The following AHRR variants were observed in gnomAD, a reference collection of about 807,000 sequenced individuals.
The protein encoded by AHRR is ahR repressor.
Under a neutral mutation model 44.0 loss-of-function variants are expected in AHRR, and 28 were observed. That is an observed-to-expected ratio of 0.64 (90% CI 0.47 to 0.87). The LOEUF is 0.87. Among genes scored for constraint, AHRR ranks in the 40% least tolerant of loss-of-function variants. The pLI, the probability that AHRR is intolerant of heterozygous loss-of-function variation, is 0.00. For synonymous variants in AHRR, 434 were observed against 407.0 expected (o/e 1.07, Z -0.80); for missense variants, 990 against 953.9 (o/e 1.04, Z -0.50).
rs748896660 is a variant in AHRR at position 419,751 on chromosome 5, CCT to C, written c.442-2977_442-2976del. On this transcript the variant is annotated intron_variant, in intron 5 of 10. Transcript: ENST00000684583. The surrounding 1 kb of genome is among the most constrained non-coding windows in gnomAD (Gnocchi z 4.4). ...TTGGTATTTCTGTTTGTTGCCAACCCCTGTTTACCGGAAGTGTCCCCACACCA... is the reference window on the plus strand; with the variant it reads ...TTGGTATTTCTGTTTGTTGCCAACCCGTTTACCGGAAGTGTCCCCACACCA... 3.9e-4 allele frequency among the ~76,000 whole-genome samples: 59 copies of C among 152,206 alleles called. No homozygotes were observed. Among genetic ancestry groups the C allele is most frequent in the Middle Eastern group, 3.4e-3 (1 of 294 alleles).
chr5:353,391 C>T (rs1742926624), intron 2 of AHRR, among the ~76,000 whole-genome samples: 1 of 152,188 alleles, frequency 6.6e-6, no homozygotes, highest in South Asian at 2.1e-4. Flanking sequence ...AGGCGTCCTC[C>T]TCCCTCCTCA....
At position 434,152 on chromosome 5, in the gene AHRR, T is replaced by C. The variant is rs1736877011; in HGVS notation, c.1412T>C (p.Val471Ala). The C allele has an allele frequency of 3.1e-6, 5 of 1,608,878 alleles. No individual in the cohort carries two copies. The highest frequency in any genetic ancestry group is 4.2e-6 in the Non-Finnish European group (5 of 1,178,080). Residue 471 changes from valine to alanine, a missense_variant, in exon 11 of 11, where the codon GTC becomes GCC. Val to Ala is a moderately conservative substitution (Grantham distance 64). Transcript: ENST00000684583. ...CGGACCAGCAGACCCATGCGGGATG[T>C]CGGTGAGGACCAGGTGCACCCTCCC... Reference protein sequence around the residue: ...SSRTSRPMRDVGEDQVHPPLC... With the variant: ...SSRTSRPMRDAGEDQVHPPLC...
chr5:417,969 T>C (rs1176702427), intron 5 of AHRR, among the ~76,000 whole-genome samples: 1 of 152,206 alleles, frequency 6.6e-6, no homozygotes, highest in Non-Finnish European at 1.5e-5. Context: ...AATAAACGGC[T>C]TTAGGCGTAT....
Position 422,771 on chromosome 5 carries a change from G to C in AHRR, c.484G>C (p.Asp162His). ...HQNIYDYIHV[D>H]DRQDFCRQLH... is the part of the protein sequence containing the mutation. The stretch of plus-strand genomic sequence containing the variant: ...GAACATTTATGACTACATCCACGTG[G>C]ACGACCGCCAGGACTTCTGCCGGCA... Residue 162 changes from aspartate (D) to histidine (H), a missense_variant, in exon 6 of 11, where the codon GAC (aspartate) becomes CAC (histidine). Asp to His is a moderately conservative substitution (Grantham distance 81). Transcript: ENST00000684583. The C allele has an allele frequency of 6.2e-7, 1 of 1,614,148 alleles. No individual in the cohort carries two copies. The highest frequency in any genetic ancestry group is 8.5e-7 in the Non-Finnish European group (1 of 1,180,038).
rs1478426970 is a variant in AHRR at position 370,111 on chromosome 5, GGAAGCCCC to G, written c.245-6497_245-6490del. On this transcript the variant is annotated intron_variant, in intron 3 of 10. Transcript: ENST00000684583. The surrounding 1 kb of genome is among the most constrained non-coding windows in gnomAD (Gnocchi z 4.5). ...AGCCCCGTCCTCCCGGGCCCTCGCT[GGAAGCCCC>G]GTCCTCCCGGGCCCTCGCTGGTGCC... Among the ~76,000 whole-genome samples the G allele has an allele frequency of 3.3e-5, 5 of 149,404 alleles. No individual in the cohort carries two copies. The highest frequency in any genetic ancestry group is 7.4e-5 in the Non-Finnish European group (5 of 67,606).
Position 432,909 on chromosome 5 carries a change from T to A in AHRR, c.1074T>A (p.Gly358=). 1 of 1,613,046 alleles carries A rather than the reference T, an allele frequency of 6.2e-7. No homozygotes were observed. Among genetic ancestry groups the A allele is most frequent in the Non-Finnish European group, 8.5e-7 (1 of 1,179,804 alleles). ...GGGCCCCATGCCTGTGCCTCCGGGG[T>A]GGCCCTGACCTTGTCCTTGACCCCA... The part of the protein sequence containing the change: ...PARAPCLCLR[G]GPDLVLDPKG... Residue 358 remains glycine, a synonymous_variant, in exon 10 of 11, where the codon GGT becomes GGA. Coordinates refer to ENST00000684583, the MANE Select transcript of AHRR (RefSeq NM_001377236.1).
intron 4 of AHRR, among the ~76,000 whole-genome samples, chr5:379,854 T>TA (rs1204037621): frequency 6.6e-6 from 1 of 152,248 alleles, no homozygotes; most frequent in African/African-American, 2.4e-5. Flanking sequence ...AAGTTTAATT[T>TA]ATCAATTTCT....
intron 2 of AHRR, among the ~76,000 whole-genome samples, chr5:351,117 G>A (rs1742844125): frequency 6.6e-6 from 1 of 152,114 alleles, no homozygotes; most frequent in Non-Finnish European, 1.5e-5. Flanking sequence ...GTGTAGGTGA[G>A]GATGTGGAGA....
At chr5:389,484 G>A (rs766514443) in intron 4 of AHRR, among the ~76,000 whole-genome samples, 5 of 152,194 alleles carry the variant, frequency 3.3e-5, no homozygotes, top group African/African-American at 4.8e-5. Context: ...ATCCCAATGC[G>A]TGATGCAGCT....
intron 4 of AHRR, among the ~76,000 whole-genome samples, chr5:412,922 T>C (rs1203229066): frequency 6.6e-6 from 1 of 152,064 alleles, no homozygotes; most frequent in African/African-American, 2.4e-5. Context: ...GGTTTCACCA[T>C]GTTAGCCAGG....
rs763642395 is a variant in AHRR at position 413,409 on chromosome 5, C to T, written c.417C>T (p.Ile139=). The T allele has an allele frequency of 1.9e-5, 31 of 1,613,616 alleles. No individual in the cohort carries two copies. Among genetic ancestry groups the T allele is most frequent in the African/African-American group, 4.0e-5 (3 of 74,862 alleles). The change falls in exon 5 of 11, where the codon ATC becomes ATT. Residue 139 remains isoleucine (I), a synonymous_variant. Coordinates refer to ENST00000684583, the MANE Select transcript of AHRR (RefSeq NM_001377236.1). The part of the protein sequence containing the change: ...EGTIFYASAT[I]VDYLGFHQTD... ...CGATATTTTATGCATCAGCAACGAT[C>T]GTGGACTATCTGGGCTTCCATCAGG...
At chr5:417,185 C>T (rs1157201935) in intron 5 of AHRR, among the ~76,000 whole-genome samples, 1 of 145,920 alleles carries the variant, frequency 6.9e-6, no homozygotes, top group African/African-American at 2.6e-5. Context: ...TGTGCAGGGC[C>T]CATGTCTAGA....
At chr5:418,435 T>A (rs1262070048) in intron 5 of AHRR, among the ~76,000 whole-genome samples, 1 of 152,204 alleles carries the variant, frequency 6.6e-6, no homozygotes, top group Non-Finnish European at 1.5e-5. Flanking sequence ...GTCTTCAGAT[T>A]TGCCTCAGTT....
chr5:421,445 C>G (rs771391211), intron 5 of AHRR: 10 of 539,720 alleles, frequency 1.9e-5, no homozygotes, highest in Non-Finnish European at 3.3e-5. Context: ...CGGGTGCCGG[C>G]GATGCCCTGT....
chr5:429,112 T>C (rs180926429), intron 8 of AHRR, among the ~76,000 whole-genome samples: 75 of 152,348 alleles, frequency 4.9e-4, no homozygotes, highest in African/African-American at 1.8e-3. Context: ...GTGTTAAGTC[T>C]GCCTTGCGTG....
chr5:407,039 A>G (rs1373232625), intron 4 of AHRR, among the ~76,000 whole-genome samples: 1 of 152,140 alleles, frequency 6.6e-6, no homozygotes, highest in East Asian at 1.9e-4. Context: ...TAGTCCATTG[A>G]TTTATGTGTC....
chr5:393,263 G>A (rs1450926120), intron 4 of AHRR, among the ~76,000 whole-genome samples: 1 of 152,222 alleles, frequency 6.6e-6, no homozygotes, highest in Non-Finnish European at 1.5e-5. Flanking sequence ...TTGGCAGCAC[G>A]TTGACTGTGT....
chr5:434,172 C>T lies in AHRR; in HGVS notation c.1432C>T (p.Pro478Ser), dbSNP rs574712182. The change falls in exon 11 of 11, where the codon CCT becomes TCT. Residue 478 changes from proline to serine, a missense_variant. Pro to Ser is a moderately conservative substitution (Grantham distance 74). Transcript: ENST00000684583. ...MRDVGEDQVH[P>S]PLCHFPQRSL... is the part of the protein sequence containing the mutation. ...GGATGTCGGTGAGGACCAGGTGCAC[C>T]CTCCCCTCTGCCACTTTCCCCAGAG... The T allele has an allele frequency of 2.4e-5, 39 of 1,600,020 alleles. 1 individual carries two copies. The South Asian group carries it at 3.4e-4, about 14-fold the overall frequency.
chr5:392,881 T>C (rs941825197), intron 4 of AHRR, among the ~76,000 whole-genome samples: 13 of 152,048 alleles, frequency 8.5e-5, no homozygotes, highest in Non-Finnish European at 1.3e-4. Flanking sequence ...CCCCCATGCC[T>C]TCATTTTCTG....
Sources: allele counts gnomAD v4.1 joint callset (sites outside exome capture counted in the v4.1 genomes callset), GRCh38; gene constraint gnomAD v4.1.1; non-coding constraint Gnocchi (gnomAD v3.1); transcripts MANE v1.5; gene names NCBI Gene and HGNC (gene_info 2026-07-23, HGNC 2026-07-21).